CTTNBP2: variants seen among roughly 807,000 people sequenced by gnomAD.
CTTNBP2 encodes cortactin binding protein 2.
CTTNBP2 carries 108 observed loss-of-function variants against 156.9 expected under a neutral mutation model. The observed-to-expected ratio is 0.69, with a 90% CI of 0.59 to 0.81. CTTNBP2 has a LOEUF of 0.81. CTTNBP2 is among the 30% of genes least tolerant of loss of function. The probability of loss-of-function intolerance (pLI) is 0.00; values close to 1 mark genes in which losing one functional copy is unlikely to be tolerated. For missense variants in CTTNBP2, 1,924 were observed against 2,035.4 expected, an observed-to-expected ratio of 0.95 and a Z score of 1.05; for synonymous variants, 767 against 751.8, an observed-to-expected ratio of 1.02 and a Z score of -0.33.
intron 1 of CTTNBP2, among the ~76,000 whole-genome samples, chr7:117,861,543 G>T (rs892735539): frequency 2.6e-5 from 4 of 152,224 alleles, no homozygotes; most frequent in Middle Eastern, 3.4e-3. Context: ...TAGTTGCCCA[G>T]CCTGCCTGCA....
At chr7:117,844,802 G>A (rs1015984408) in intron 2 of CTTNBP2, among the ~76,000 whole-genome samples, 3 of 152,104 alleles carry the variant, frequency 2.0e-5, no homozygotes, top group African/African-American at 7.2e-5. Context: ...CATGGGTACT[G>A]GTGCCCATGA....
intron 8 of CTTNBP2, among the ~76,000 whole-genome samples, chr7:117,767,851 A>G (rs1315495105): frequency 6.6e-6 from 1 of 152,192 alleles, no homozygotes; most frequent in Non-Finnish European, 1.5e-5. Flanking sequence ...TTAGTCCTCC[A>G]TATTTTTTCA....
intron 4 of CTTNBP2, among the ~76,000 whole-genome samples, chr7:117,787,074 A>G (rs1798741136): frequency 6.6e-6 from 1 of 152,232 alleles, no homozygotes; most frequent in Non-Finnish European, 1.5e-5. Context: ...AATGTTGTCT[A>G]GCATAGACAA....
intron 1 of CTTNBP2, 60 bp downstream of exon 1, chr7:117,873,275 C>A: frequency 1.6e-6 from 2 of 1,245,346 alleles, no homozygotes; most frequent in Middle Eastern, 3.0e-4. Flanking sequence ...GCTGGGACCC[C>A]GGCGCCGCCC....
intron 3 of CTTNBP2, among the ~76,000 whole-genome samples, chr7:117,794,195 G>A (rs539909794): frequency 2.7e-4 from 41 of 152,196 alleles, no homozygotes; most frequent in African/African-American, 9.4e-4. Context: ...GCCTCACAGT[G>A]GCACTAGTCT....
intron 10 of CTTNBP2, among the ~76,000 whole-genome samples, chr7:117,760,054 G>A (rs1797109407): frequency 6.6e-6 from 1 of 152,122 alleles, no homozygotes; most frequent in South Asian, 2.1e-4. Context: ...TGGAGATAAG[G>A]TACTAATGCA....
At chr7:117,758,982 A>G (rs1416241987) in intron 10 of CTTNBP2, among the ~76,000 whole-genome samples, 3 of 152,208 alleles carry the variant, frequency 2.0e-5, no homozygotes, top group African/African-American at 7.2e-5. Flanking sequence ...TTCAAAACAC[A>G]GTTGTACTGA....
At chr7:117,723,911 C>A (rs1230590862) in intron 19 of CTTNBP2, among the ~76,000 whole-genome samples, 4 of 151,962 alleles carry the variant, frequency 2.6e-5, no homozygotes, top group African/African-American at 9.7e-5. Flanking sequence ...CGCCACCATG[C>A]CCAGCTAATT....
At chr7:117,767,991 A>G (rs911959050) in intron 8 of CTTNBP2, among the ~76,000 whole-genome samples, 1 of 152,112 alleles carries the variant, frequency 6.6e-6, no homozygotes, top group Non-Finnish European at 1.5e-5. Flanking sequence ...TTTGTTGGCT[A>G]ATTTCCCACA....
intron 3 of CTTNBP2, among the ~76,000 whole-genome samples, chr7:117,809,188 T>A (rs1800118745): frequency 6.7e-6 from 1 of 150,326 alleles, no homozygotes; most frequent in African/African-American, 2.4e-5. Context: ...TAAGTTGATT[T>A]AAAAAAAAAA....
At chr7:117,724,460 G>C in intron 19 of CTTNBP2, 87 bp downstream of exon 19, 4 of 1,137,430 alleles carry the variant, frequency 3.5e-6, no homozygotes, top group Non-Finnish European at 3.8e-6. Flanking sequence ...AATGCATCGT[G>C]ATAAAAATGA....
At chr7:117,733,421 A>G (rs1364563487) in intron 16 of CTTNBP2, among the ~76,000 whole-genome samples, 2 of 152,200 alleles carry the variant, frequency 1.3e-5, no homozygotes, top group African/African-American at 4.8e-5. Flanking sequence ...GGTATACTTT[A>G]CCTGAAATAG....
intron 12 of CTTNBP2, among the ~76,000 whole-genome samples, chr7:117,751,137 A>G (rs758107000): frequency 2.0e-5 from 3 of 152,210 alleles, no homozygotes; most frequent in Non-Finnish European, 4.4e-5. Flanking sequence ...TCAACAATAG[A>G]CCATGCATCT....
At chr7:117,719,875 A>G (rs1794683111) in intron 20 of CTTNBP2, among the ~76,000 whole-genome samples, 1 of 152,202 alleles carries the variant, frequency 6.6e-6, no homozygotes. Context: ...TTGATGTACA[A>G]TATTCCAAGC....
chr7:117,842,451 C>A (rs1802333937), intron 2 of CTTNBP2, among the ~76,000 whole-genome samples: 1 of 152,012 alleles, frequency 6.6e-6, no homozygotes, highest in African/African-American at 2.4e-5. Context: ...GATCTGCCCA[C>A]TTTATCCTCC....
intron 2 of CTTNBP2, among the ~76,000 whole-genome samples, chr7:117,824,458 C>A (rs1049177356): frequency 1.3e-5 from 2 of 152,104 alleles, no homozygotes; most frequent in African/African-American, 2.4e-5. Flanking sequence ...TCCGGGAGAT[C>A]TTCTTAAGTT....
At chr7:117,777,802 C>A (rs1453914632) in intron 7 of CTTNBP2, 37 bp from the exon 8 acceptor site, 7 of 1,577,816 alleles carry the variant, frequency 4.4e-6, no homozygotes, top group Non-Finnish European at 6.1e-6. Context: ...GGGTTGATAA[C>A]AACATTAATG....
intron 3 of CTTNBP2, among the ~76,000 whole-genome samples, chr7:117,808,354 C>T (rs977076849): frequency 4.0e-5 from 6 of 151,868 alleles, no homozygotes; most frequent in South Asian, 2.1e-4. Context: ...AGTGGATTAC[C>T]GGAGGCAAAG....
At position 117,780,178 on chromosome 7, in the gene CTTNBP2, A is replaced by C. The variant is rs76788357; in HGVS notation, c.2523+263T>G. Among the ~76,000 whole-genome samples, 514 of 152,324 alleles carry C rather than the reference A, an allele frequency of 3.4e-3. 1 individual carries two copies. The highest frequency in any genetic ancestry group is 5.4e-3 in the Non-Finnish European group (368 of 68,032). Reference sequence around the variant, plus strand: ...ACCTCCCTTGTCTGCCCTAGTTCTAAAAATAATCAAAGCATAGGTATTTGT... The same window carrying C: ...ACCTCCCTTGTCTGCCCTAGTTCTACAAATAATCAAAGCATAGGTATTTGT... On this transcript the variant is annotated intron_variant, in intron 7 of 22. Transcript: ENST00000160373.
Sources: allele counts gnomAD v4.1 joint callset (sites outside exome capture counted in the v4.1 genomes callset), GRCh38; gene constraint gnomAD v4.1.1; transcripts MANE v1.5; gene names NCBI Gene and HGNC (gene_info 2026-07-23, HGNC 2026-07-21).